CTNNA3: variants seen among roughly 807,000 people sequenced by gnomAD.
CTNNA3 encodes catenin alpha-3.
In CTNNA3, 76 loss-of-function variants were observed where a neutral mutation model predicts 95.7. The ratio of observed to expected loss-of-function variants is 0.79; its 90% CI spans 0.66 to 0.96. The LOEUF is 0.96. Among genes scored for constraint, CTNNA3 ranks in the 40% least tolerant of loss-of-function variants. The probability of loss-of-function intolerance (pLI) is 0.00; values close to 1 mark genes in which losing one functional copy is unlikely to be tolerated. For missense variants in CTNNA3, 1,191 were observed against 1,089.8 expected, an observed-to-expected ratio of 1.09 and a Z score of -1.31; for synonymous variants, 431 against 374.4, an observed-to-expected ratio of 1.15 and a Z score of -1.74.
chr10:67,185,150 G>A (rs1554940504), intron 6 of CTNNA3, among the ~76,000 whole-genome samples: 1 of 150,838 alleles, frequency 6.6e-6, no homozygotes, highest in African/African-American at 2.4e-5. Context: ...TTGTTTTTTA[G>A]ATGGAGTCTC....
At chr10:67,280,525 G>A (rs898503048) in intron 5 of CTNNA3, among the ~76,000 whole-genome samples, 8 of 151,894 alleles carry the variant, frequency 5.3e-5, no homozygotes, top group African/African-American at 1.9e-4. Flanking sequence ...TCAGCAAACA[G>A]GTGAGGGAGT....
At chr10:67,609,230 T>A (rs974070743) in intron 2 of CTNNA3, among the ~76,000 whole-genome samples, 3 of 151,994 alleles carry the variant, frequency 2.0e-5, no homozygotes, top group Non-Finnish European at 4.4e-5. Context: ...ACAACTTGTA[T>A]CTAATATTTA....
At chr10:67,750,430 T>A in intron 1 of CTNNA3, 6 of 1,488,264 alleles carry the variant, frequency 4.0e-6, no homozygotes, top group Non-Finnish European at 4.7e-6. Context: ...CCTATGTCTA[T>A]CAGAATGAAC....
intron 10 of CTNNA3, among the ~76,000 whole-genome samples, chr10:66,582,707 T>A (rs1277994575): frequency 6.6e-6 from 1 of 151,874 alleles, no homozygotes; most frequent in African/African-American, 2.4e-5. Context: ...AGCATCCTTG[T>A]CTTATTTCAG....
At chr10:66,684,973 C>T (rs1847197307) in intron 9 of CTNNA3, among the ~76,000 whole-genome samples, 4 of 150,880 alleles carry the variant, frequency 2.7e-5, no homozygotes, top group Admixed American at 2.6e-4. Flanking sequence ...AAACTATAAC[C>T]AATATGCAAT....
intron 10 of CTNNA3, among the ~76,000 whole-genome samples, chr10:66,531,166 C>T (rs1841453398): frequency 6.6e-6 from 1 of 152,008 alleles, no homozygotes; most frequent in East Asian, 1.9e-4. Flanking sequence ...AAATGCATTG[C>T]TTGTGATGAT....
chr10:67,391,589 A>G (rs1263233574), intron 5 of CTNNA3, among the ~76,000 whole-genome samples: 5 of 151,822 alleles, frequency 3.3e-5, no homozygotes, highest in Non-Finnish European at 7.4e-5. Context: ...AAGAGCCCAC[A>G]TCGCCAAGGC....
At chr10:66,915,585 T>A (rs1846445858) in intron 7 of CTNNA3, among the ~76,000 whole-genome samples, 1 of 151,722 alleles carries the variant, frequency 6.6e-6, no homozygotes. Context: ...TGGAAAATGG[T>A]GAAGTACTAG....
chr10:66,256,745 G>A (rs772536436), intron 13 of CTNNA3, among the ~76,000 whole-genome samples: 3 of 151,500 alleles, frequency 2.0e-5, no homozygotes, highest in Admixed American at 1.3e-4. Context: ...GTAAATTGGA[G>A]GAGAAAAAAT....
chr10:66,399,933 ATC>A lies in CTNNA3; in HGVS notation c.1532-20583_1532-20582del, dbSNP rs371588892. Among the ~76,000 whole-genome samples the A allele has an allele frequency of 4.0e-4, 61 of 152,136 alleles. 1 individual carries two copies. In the South Asian group the frequency reaches 0.012, roughly 31 times the overall value. On this transcript the variant is annotated intron_variant, in intron 11 of 17. Coordinates refer to ENST00000433211, the MANE Select transcript of CTNNA3 (RefSeq NM_013266.4). ...TTTATAAGTTGTTTATGTCAAAATT[ATC>A]TCCTTGTCAAAACAGCAAACTTAGA... is the stretch of plus-strand genomic sequence containing the variant.
chr10:66,792,382 T>C (rs2132206832), intron 7 of CTNNA3, among the ~76,000 whole-genome samples: 1 of 152,306 alleles, frequency 6.6e-6, no homozygotes. Context: ...CAAATCTTAA[T>C]TTGCATAAGA....
chr10:66,543,556 A>G (rs976988031), intron 10 of CTNNA3, among the ~76,000 whole-genome samples: 1 of 152,124 alleles, frequency 6.6e-6, no homozygotes, highest in Non-Finnish European at 1.5e-5. Flanking sequence ...AGAAGCTGAA[A>G]GGTTATACAC....
intron 7 of CTNNA3, chr10:67,015,284 G>A (rs906702080): frequency 6.6e-6 from 1 of 152,090 alleles, no homozygotes; most frequent in Non-Finnish European, 1.5e-5. Flanking sequence ...TAGATTTGAT[G>A]CTAACCATCT....
chr10:66,833,696 A>T (rs1842800475), intron 7 of CTNNA3, among the ~76,000 whole-genome samples: 1 of 152,200 alleles, frequency 6.6e-6, no homozygotes, highest in Non-Finnish European at 1.5e-5. Flanking sequence ...TGTCAAATAC[A>T]TGACTGAGAT....
In CTNNA3 at chr10:65,915,218, G is replaced by C. The variant is rs2076991434; in HGVS notation, c.*5112C>G. On this transcript the variant is annotated 3_prime_UTR_variant, in exon 18 of 18. Transcript: ENST00000433211. Reference sequence around the variant, plus strand: ...TTCACCTACCATCAGTCAGGAGAATGGCTGAATTTCTGTTTCTCAACTTGC... The same window carrying C: ...TTCACCTACCATCAGTCAGGAGAATCGCTGAATTTCTGTTTCTCAACTTGC... 1 of 151,984 alleles carries C rather than the reference G, an allele frequency of 6.6e-6. No individual in the cohort carries two copies. Among genetic ancestry groups the C allele is most frequent in the Non-Finnish European group, 1.5e-5 (1 of 67,984 alleles). The allele number at this position is 151,984 out of a possible 1,614,324, so 9.4% of individuals were successfully genotyped here. A position where few individuals can be genotyped will look rare whatever the true frequency, so the allele number is the denominator to read the frequency against.
At chr10:67,146,423 T>G (rs1397985249) in intron 7 of CTNNA3, among the ~76,000 whole-genome samples, 1 of 152,230 alleles carries the variant, frequency 6.6e-6, no homozygotes, top group Non-Finnish European at 1.5e-5. Flanking sequence ...CGTATTCTCC[T>G]TGCTTCAGGA....
At chr10:66,283,638 T>C (rs1481747094) in intron 12 of CTNNA3, among the ~76,000 whole-genome samples, 1 of 151,898 alleles carries the variant, frequency 6.6e-6, no homozygotes, top group Non-Finnish European at 1.5e-5. Context: ...AAATAAAATC[T>C]TTCAGAAGCA....
chr10:66,767,426 A>G (rs971914043), intron 8 of CTNNA3, among the ~76,000 whole-genome samples: 1 of 148,592 alleles, frequency 6.7e-6, no homozygotes, highest in African/African-American at 2.5e-5. Context: ...AGCCCAGGCA[A>G]CAGAGTGAGA....
chr10:66,025,740 T>G (rs1231814710), intron 15 of CTNNA3, among the ~76,000 whole-genome samples: 1 of 152,136 alleles, frequency 6.6e-6, no homozygotes, highest in Non-Finnish European at 1.5e-5. Flanking sequence ...TTTTCAGCAA[T>G]GAGATATATC....
Sources: allele counts gnomAD v4.1 joint callset (sites outside exome capture counted in the v4.1 genomes callset), GRCh38; gene constraint gnomAD v4.1.1; transcripts MANE v1.5; gene names NCBI Gene and HGNC (gene_info 2026-07-23, HGNC 2026-07-21).